STAG1: variants seen among roughly 807,000 people sequenced by gnomAD.
The protein encoded by STAG1 is STAG1 cohesin complex component.
Under a neutral mutation model 170.9 loss-of-function variants are expected in STAG1, and 26 were observed. The ratio of observed to expected loss-of-function variants is 0.15; its 90% CI spans 0.11 to 0.21. The LOEUF (loss-of-function observed/expected upper bound fraction) is 0.21. STAG1 is among the 10% of genes least tolerant of loss of function. STAG1 has a pLI of 1.00. For missense variants in STAG1, 964 were observed against 1,509.5 expected (o/e 0.64, Z 5.99); for synonymous variants, 514 against 497.7 (o/e 1.03, Z -0.44).
intron 1 of STAG1, among the ~76,000 whole-genome samples, chr3:136,715,971 G>A (rs1943530910): frequency 6.6e-6 from 1 of 151,954 alleles, no homozygotes; most frequent in African/African-American, 2.4e-5. Flanking sequence ...AGTGGTGCAT[G>A]CCAGTAGTCC....
At chr3:136,523,348 T>C (rs1301580929) in intron 6 of STAG1, among the ~76,000 whole-genome samples, 1 of 152,238 alleles carries the variant, frequency 6.6e-6, no homozygotes, top group Non-Finnish European at 1.5e-5. Context: ...CACGTGTCTG[T>C]TGGCTGCATA....
chr3:136,445,967 A>G (rs2088765904), intron 14 of STAG1, among the ~76,000 whole-genome samples: 1 of 152,228 alleles, frequency 6.6e-6, no homozygotes, highest in Admixed American at 6.5e-5. Flanking sequence ...TTAATAAAAT[A>G]TGTTAATTGA....
chr3:136,522,273 T>C (rs933943251), intron 6 of STAG1, among the ~76,000 whole-genome samples: 17 of 152,196 alleles, frequency 1.1e-4, no homozygotes, highest in Admixed American at 8.5e-4. Context: ...AGAGAACTAG[T>C]GTGATATACA....
In STAG1 at chr3:136,487,108, C is replaced by T. The variant is rs189882446; in HGVS notation, c.903-9696G>A. 2.4e-3 allele frequency among the ~76,000 whole-genome samples: 365 copies of T among 151,326 alleles called. 2 individuals are homozygous for T. The highest frequency in any genetic ancestry group is 0.011 in the Admixed American group (166 of 15,116). On this transcript the variant is annotated intron_variant, in intron 9 of 33. Coordinates refer to ENST00000383202, the MANE Select transcript of STAG1 (RefSeq NM_005862.3). ...TGGTGGTCTGCTGCACCTATTGACC[C>T]GTCCTCTAAGTTCCCTCCCCTCACC...
chr3:136,366,890 C>T, intron 25 of STAG1, 53 bp downstream of exon 25: 1 of 1,456,120 alleles, frequency 6.9e-7, no homozygotes, highest in Non-Finnish European at 9.3e-7. Flanking sequence ...CTTTCAATTG[C>T]TAATTTCTCT....
chr3:136,459,975 A>G (rs938852053), intron 13 of STAG1, among the ~76,000 whole-genome samples: 1 of 152,158 alleles, frequency 6.6e-6, no homozygotes, highest in African/African-American at 2.4e-5. Flanking sequence ...AAACAACAAC[A>G]ACAACAACAT....
chr3:136,436,816 T>C (rs1359244056), intron 15 of STAG1, among the ~76,000 whole-genome samples: 1 of 152,212 alleles, frequency 6.6e-6, no homozygotes, highest in Non-Finnish European at 1.5e-5. Context: ...CTTTATTCTG[T>C]ACCAAAATTA....
intron 6 of STAG1, among the ~76,000 whole-genome samples, chr3:136,535,980 T>A (rs912981566): frequency 3.9e-5 from 6 of 152,162 alleles, no homozygotes; most frequent in Non-Finnish European, 8.8e-5. Context: ...CACTGTAAAA[T>A]CCAATTTTGT....
chr3:136,495,271 G>A (rs201264885), intron 9 of STAG1, among the ~76,000 whole-genome samples: 40 of 152,138 alleles, frequency 2.6e-4, no homozygotes, highest in East Asian at 2.3e-3. Flanking sequence ...CTTATATCAC[G>A]TCATCTACAA....
chr3:136,490,005 G>A (rs1466725937), intron 9 of STAG1, among the ~76,000 whole-genome samples: 2 of 152,048 alleles, frequency 1.3e-5, no homozygotes, highest in Non-Finnish European at 2.9e-5. Flanking sequence ...TATTATTTCA[G>A]GCTTACTAGA....
chr3:136,669,073 CTAGTTTTGTTGTATTTACTCCATT>C (rs1315047372), intron 1 of STAG1, among the ~76,000 whole-genome samples: 9 of 152,166 alleles, frequency 5.9e-5, no homozygotes, highest in Admixed American at 1.3e-4. Flanking sequence ...CGCAACAGCT[CTAGTTTTGTTGTATTTACTCCATT>C]TCTCTGTAAG....
chr3:136,524,718 T>C (rs1208563463), intron 6 of STAG1, among the ~76,000 whole-genome samples: 1 of 146,238 alleles, frequency 6.8e-6, no homozygotes, highest in Non-Finnish European at 1.6e-5. Context: ...TTCAGTATGA[T>C]ACTGGCTGTG....
At position 136,423,013 on chromosome 3, in the gene STAG1, A is replaced by G; in HGVS notation, c.1682T>C (p.Ile561Thr). The G allele has an allele frequency of 6.2e-7, 1 of 1,608,338 alleles. No homozygotes were observed. Among genetic ancestry groups the G allele is most frequent in the Non-Finnish European group, 8.5e-7 (1 of 1,177,396 alleles). Residue 561 changes from isoleucine (I) to threonine (T), a missense_variant, in exon 17 of 34, where the codon ATT becomes ACT. Ile to Thr is a moderately conservative substitution (Grantham distance 89, BLOSUM62 -1). Coordinates refer to ENST00000383202, the MANE Select transcript of STAG1 (RefSeq NM_005862.3). The stretch of plus-strand genomic sequence containing the variant: ...TTCAGTCAATTTGTTTCTATCATCA[A>G]TTTGAGTTTTCCTTTCTTTGGCAGT... ...VLTAKERKTQ[I>T]DDRNKLTEHF... is the part of the protein sequence containing the mutation.
intron 4 of STAG1, among the ~76,000 whole-genome samples, chr3:136,588,367 G>A (rs543083674): frequency 5.7e-4 from 87 of 152,072 alleles, no homozygotes; most frequent in Admixed American, 6.5e-4. Flanking sequence ...ATGGAGTTTC[G>A]CTCTTGATGC....
chr3:136,700,303 A>T (rs1200496655), intron 1 of STAG1, among the ~76,000 whole-genome samples: 1 of 151,176 alleles, frequency 6.6e-6, no homozygotes. Flanking sequence ...AAGATAAAGG[A>T]TCACTAAACT....
At chr3:136,518,184 G>A (rs1160958794) in intron 7 of STAG1, 2 of 413,004 alleles carry the variant, frequency 4.8e-6, no homozygotes, top group African/African-American at 2.0e-5. Context: ...CTACTGATAA[G>A]ACCACTCTGA....
intron 16 of STAG1, among the ~76,000 whole-genome samples, chr3:136,425,935 A>G (rs2088108128): frequency 6.6e-6 from 1 of 151,490 alleles, no homozygotes; most frequent in African/African-American, 2.4e-5. Context: ...AACCATTAGC[A>G]CTGTCATTCT....
chr3:136,574,340 GTA>G (rs1244501641), intron 4 of STAG1, among the ~76,000 whole-genome samples: 1 of 148,520 alleles, frequency 6.7e-6, no homozygotes, highest in African/African-American at 2.5e-5. Flanking sequence ...ATGTGTGTGT[GTA>G]TACACACACA....
At chr3:136,524,947 A>C (rs1056612698) in intron 6 of STAG1, among the ~76,000 whole-genome samples, 1 of 152,186 alleles carries the variant, frequency 6.6e-6, no homozygotes, top group Admixed American at 6.5e-5. Flanking sequence ...GATGAAGCCC[A>C]CTTGATCATG....
Sources: allele counts gnomAD v4.1 joint callset (sites outside exome capture counted in the v4.1 genomes callset), GRCh38; gene constraint gnomAD v4.1.1; transcripts MANE v1.5; gene names NCBI Gene and HGNC (gene_info 2026-07-23, HGNC 2026-07-21).